The following DAP3 variants were observed in gnomAD, a reference collection of about 807,000 sequenced individuals.
DAP3 encodes the protein small ribosomal subunit protein mS29.
A neutral mutation model predicts 51.9 loss-of-function variants in DAP3; 28 were observed. The observed-to-expected ratio is 0.54, with a 90% CI of 0.40 to 0.74. The LOEUF is 0.74. Among genes scored for constraint, DAP3 ranks in the 30% least tolerant of loss-of-function variants. The pLI is 0.00. For missense variants in DAP3, 458 were observed against 483.5 expected (o/e 0.95, Z 0.49); for synonymous variants, 170 against 170.3 (o/e 1.00, Z 0.01).
chr1:155,692,593 T>C (rs2149103732), intron 1 of DAP3, among the ~76,000 whole-genome samples: 1 of 142,190 alleles, frequency 7.0e-6, no homozygotes, highest in Admixed American at 6.6e-5. Flanking sequence ...AGTGAGAATG[T>C]CAGTCCCAGG....
At chr1:155,696,881 C>T (rs1370672844) in intron 1 of DAP3, among the ~76,000 whole-genome samples, 2 of 152,150 alleles carry the variant, frequency 1.3e-5, no homozygotes, top group African/African-American at 4.8e-5. Flanking sequence ...AAGAAGCAGT[C>T]TTTTAAATCT....
chr1:155,727,860 C>G (rs2149190365), intron 7 of DAP3, 122 bp downstream of exon 7: 2 of 1,220,446 alleles, frequency 1.6e-6, no homozygotes, highest in Admixed American at 2.9e-5. Flanking sequence ...TTTTTAATTT[C>G]TTTCATACGT....
chr1:155,729,382 G>A lies in DAP3; in HGVS notation c.843+16G>A. 6.2e-7 allele frequency: 1 copy of A among 1,612,190 alleles called. No homozygotes were observed. Among genetic ancestry groups the A allele is most frequent in the Non-Finnish European group, 8.5e-7 (1 of 1,179,346 alleles). The stretch of plus-strand genomic sequence containing the variant: ...TAAAAGCCCGGTAGGAAAACTGGGT[G>A]TCTCTATCTTGTTTCTCTGATTTCT... On this transcript the variant is annotated intron_variant, in intron 9 of 12. Transcript: ENST00000368336.
At chr1:155,692,423 C>T (rs1490668591) in intron 1 of DAP3, among the ~76,000 whole-genome samples, 2 of 141,604 alleles carry the variant, frequency 1.4e-5, no homozygotes, top group South Asian at 2.1e-4. Flanking sequence ...AAGACTTGTT[C>T]CTGGTGTCTG....
chr1:155,724,507 C>T (rs1324262553), intron 4 of DAP3, among the ~76,000 whole-genome samples: 2 of 151,424 alleles, frequency 1.3e-5, no homozygotes, highest in African/African-American at 4.9e-5. Context: ...GGTGGTGGCA[C>T]CTGTAATCCC....
chr1:155,727,612 T>C lies in DAP3; in HGVS notation c.477T>C (p.His159=). Residue 159 remains histidine, a synonymous_variant, in exon 7 of 13, where the codon CAT becomes CAC. Transcript: ENST00000368336. ...DWLILHIPDA[H]LWVKNCRDLL... is the part of the protein sequence containing the mutation. ...TTCTGCCTCTTTTTTTTAAAGCTCATCTTTGGGTGAAAAATTGTCGGGATC... is the reference window on the plus strand; with the variant it reads ...TTCTGCCTCTTTTTTTTAAAGCTCACCTTTGGGTGAAAAATTGTCGGGATC... The C allele has an allele frequency of 6.2e-7, 1 of 1,611,890 alleles. No homozygotes were observed. The highest frequency in any genetic ancestry group is 8.5e-7 in the Non-Finnish European group (1 of 1,178,890).
At position 155,707,075 on chromosome 1, in the gene DAP3, G is replaced by A. The variant is rs200881930; in HGVS notation, c.-7-2698G>A. Among the ~76,000 whole-genome samples, 67 of 126,330 alleles carry A rather than the reference G, an allele frequency of 5.3e-4. 1 individual carries two copies. The East Asian group carries it at 0.015, about 29-fold the overall frequency. 82.9% of individuals were successfully genotyped at this position (126,330 alleles called of 152,430 possible). A position where few individuals can be genotyped will look rare whatever the true frequency, so the allele number is the denominator to read the frequency against. ...CATTGCACTCCAGCCTGGGCAACAA[G>A]AGCGAAACTCCATCTCAAAAAAACC... On this transcript the variant is annotated intron_variant, in intron 1 of 12. Coordinates refer to ENST00000368336, the MANE Select transcript of DAP3 (RefSeq NM_004632.4).
chr1:155,710,185 G>T, intron 2 of DAP3: 5 of 168,574 alleles, frequency 3.0e-5, no homozygotes, highest in Admixed American at 6.4e-5. Flanking sequence ...CATTCTGCTG[G>T]TTTACTTCAT....
intron 1 of DAP3, among the ~76,000 whole-genome samples, chr1:155,693,300 T>C (rs1267825473): frequency 7.0e-6 from 1 of 141,990 alleles, no homozygotes; most frequent in Non-Finnish European, 1.5e-5. Flanking sequence ...TGGGCGCCAT[T>C]CGGTTGGAAG....
intron 1 of DAP3, among the ~76,000 whole-genome samples, chr1:155,706,449 GTTA>G (rs1306591478): frequency 6.6e-6 from 1 of 152,204 alleles, no homozygotes; most frequent in Non-Finnish European, 1.5e-5. Context: ...CTCTATGGTT[GTTA>G]TTATTGTTGC....
rs139514973 is a variant in DAP3 at position 155,714,198 on chromosome 1, G to C, written c.46-2808G>C. 1.8e-4 allele frequency among the ~76,000 whole-genome samples: 28 copies of C among 152,270 alleles called. No individual in the cohort carries two copies. In the East Asian group the frequency reaches 5.2e-3, roughly 28 times the overall value. ...TAGATTGTTATGCTAAGGAATTTGA[G>C]ACTTATTTTGACATCGTTCTGGAAC... On this transcript the variant is annotated intron_variant, in intron 2 of 12. Transcript: ENST00000368336.
upstream of DAP3, chr1:155,688,512 C>G: frequency 6.5e-7 from 1 of 1,546,620 alleles, no homozygotes; most frequent in Middle Eastern, 1.7e-4. Flanking sequence ...ACGGGCTCGT[C>G]GCTGGCTGCT....
chr1:155,705,616 AAG>A lies in DAP3; in HGVS notation c.-7-4155_-7-4154del, dbSNP rs1655870096. 1.3e-5 allele frequency among the ~76,000 whole-genome samples: 2 copies of A among 151,312 alleles called. 1 individual carries two copies. The highest frequency in any genetic ancestry group is 4.2e-4 in the South Asian group (2 of 4,812). On this transcript the variant is annotated intron_variant, in intron 1 of 12. Coordinates refer to ENST00000368336, the MANE Select transcript of DAP3 (RefSeq NM_004632.4). ...AGACCCTGTCTCAAAAAAAAAAAGAAAGAAAAAAAAAACAGAAAGGAAATAAA... is the reference window on the plus strand; with the variant it reads ...AGACCCTGTCTCAAAAAAAAAAAGAAAAAAAAAAAACAGAAAGGAAATAAA...
chr1:155,689,271 C>T (rs553958470), intron 1 of DAP3, 97 bp downstream of exon 1: 35 of 659,096 alleles, frequency 5.3e-5, no homozygotes, highest in Admixed American at 2.9e-4. Flanking sequence ...TAGACCGGCG[C>T]GCCTCCGGGG....
intron 1 of DAP3, among the ~76,000 whole-genome samples, chr1:155,696,739 C>G (rs1420235818): frequency 2.0e-5 from 3 of 152,218 alleles, no homozygotes; most frequent in Non-Finnish European, 2.9e-5. Context: ...AAAAGTTTGA[C>G]AAACTGTGGA....
chr1:155,703,738 C>G (rs912861458), intron 1 of DAP3, among the ~76,000 whole-genome samples: 14 of 152,170 alleles, frequency 9.2e-5, no homozygotes, highest in Admixed American at 4.6e-4. Context: ...GGGGTTTCAC[C>G]GTGTTAGCCA....
At chr1:155,738,107 C>T in intron 12 of DAP3, 50 bp from the exon 13 acceptor site, 2 of 1,571,624 alleles carry the variant, frequency 1.3e-6, no homozygotes, top group Non-Finnish European at 1.7e-6. Flanking sequence ...CTGGGGAACA[C>T]AGTGCAGCAG....
Position 155,726,000 on chromosome 1 carries a change from G to C in DAP3, c.453G>C (p.Leu151=). The C allele has an allele frequency of 6.2e-7, 1 of 1,613,980 alleles. No individual in the cohort carries two copies. Among genetic ancestry groups the C allele is most frequent in the South Asian group, 1.1e-5 (1 of 91,076 alleles). The change falls in exon 6 of 13, where the codon CTG becomes CTC. Residue 151 remains leucine, a synonymous_variant. Transcript: ENST00000368336. ...ATTTCTGTGCAAAACAGGACTGGCT[G>C]ATACTACATATTCCAGATGGTAAGA... is the stretch of plus-strand genomic sequence containing the variant. ...VIHFCAKQDW[L]ILHIPDAHLW... is the part of the protein sequence containing the mutation.
intron 4 of DAP3, 75 bp from the exon 5 acceptor site, chr1:155,725,307 G>A (rs1229655329): frequency 1.1e-5 from 14 of 1,331,488 alleles, no homozygotes; most frequent in African/African-American, 1.4e-5. Flanking sequence ...TGCCACTTTA[G>A]GCAGAGTATA....
Sources: gnomAD v4.1 joint callset for allele counts (sites outside exome capture counted in the v4.1 genomes callset) on GRCh38, gnomAD v4.1.1 for gene constraint, MANE v1.5 for transcripts, NCBI Gene and HGNC (gene_info 2026-07-23, HGNC 2026-07-21) for gene names.